DSP: variants seen among roughly 807,000 people sequenced by gnomAD.
The protein encoded by DSP is desmoplakin, also known as 250/210 kDa paraneoplastic pemphigus antigen.
In DSP, 114 loss-of-function variants were observed where a neutral mutation model predicts 290.6. The observed-to-expected ratio is 0.39, with a 90% CI of 0.34 to 0.46. DSP has a LOEUF of 0.46. Ranked by LOEUF, DSP falls within the 20% of genes least tolerant of loss-of-function variation. DSP has a pLI of 0.99. For missense variants in DSP, 3,230 were observed against 3,495.8 expected (o/e 0.92, Z 1.92); for synonymous variants, 1,311 against 1,316.4 (o/e 1.00, Z 0.09).
intron 8 of DSP, 31 bp downstream of exon 8, chr6:7,566,512 G>C: frequency 7.6e-7 from 1 of 1,315,618 alleles, no homozygotes; most frequent in Non-Finnish European, 1.0e-6. Flanking sequence ...ATTTTTGTTA[G>C]AAAAAAAAAA....
chr6:7,580,910 G>A lies in DSP; in HGVS notation c.4720G>A (p.Glu1574Lys). 1 of 1,614,196 alleles carries A rather than the reference G, an allele frequency of 6.2e-7. No individual in the cohort carries two copies. The highest frequency in any genetic ancestry group is 1.1e-5 in the South Asian group (1 of 91,086). The change falls in exon 23 of 24, where the codon GAA (glutamate) becomes AAA (lysine). Residue 1574 changes from glutamate to lysine, a missense_variant. By Grantham distance (56) the Glu-to-Lys change is moderately conservative. Coordinates refer to ENST00000379802, the MANE Select transcript of DSP (RefSeq NM_004415.4). The surrounding 1 kb of genome is among the most constrained non-coding windows in gnomAD (Gnocchi z 4.2). ...KELQLQKQKV[E>K]EELNRLKRTA... ...GCTGCAGCTGCAGAAGCAGAAGGTG[G>A]AAGAGGAGCTGAATCGGCTGAAGAG...
chr6:7,558,317 T>C, intron 3 of DSP, 53 bp downstream of exon 3: 1 of 1,583,468 alleles, frequency 6.3e-7, no homozygotes, highest in Non-Finnish European at 8.6e-7. Context: ...GAACACCACA[T>C]AACCAGTTAC....
At chr6:7,562,293 T>C (rs1758716625) in intron 4 of DSP, among the ~76,000 whole-genome samples, 1 of 152,146 alleles carries the variant, frequency 6.6e-6, no homozygotes, top group South Asian at 2.1e-4. Flanking sequence ...ATTAAATGAG[T>C]ATTTTATAAC....
intron 5 of DSP, among the ~76,000 whole-genome samples, chr6:7,563,314 T>A (rs980497695): frequency 2.7e-5 from 1 of 37,278 alleles, no homozygotes; most frequent in African/African-American, 2.0e-4. Context: ...ATCACTAAAC[T>A]TTTTTTTTTT....
rs781034092 is a variant in DSP at position 7,565,536 on chromosome 6, G to A, written c.939+16G>A. 19 of 1,613,632 alleles carry A rather than the reference G, an allele frequency of 1.2e-5. No individual in the cohort carries two copies. Among genetic ancestry groups the A allele is most frequent in the Admixed American group, 8.3e-5 (5 of 59,976 alleles). On this transcript the variant is annotated intron_variant, in intron 7 of 23. Transcript: ENST00000379802. This position sits in a 1 kb window ranked among gnomAD's most constrained non-coding sequence, Gnocchi z 4.2. Reference sequence around the variant, plus strand: ...GGCCTTCTCCGTAAGTTCACCCCACGCGGCTGTAGATGCTTGTCTTGAGCC... The same window carrying A: ...GGCCTTCTCCGTAAGTTCACCCCACACGGCTGTAGATGCTTGTCTTGAGCC...
intron 16 of DSP, 25 bp from the exon 17 acceptor site, chr6:7,574,632 T>TA: frequency 6.2e-7 from 1 of 1,613,948 alleles, no homozygotes; most frequent in Non-Finnish European, 8.5e-7. Context: ...CTGGCAATTT[T>TA]ATGTGCTTCT....
At chr6:7,543,235 A>G (rs3823183) in intron 1 of DSP, among the ~76,000 whole-genome samples, 40,778 of 151,198 alleles carry the variant, frequency 0.27, 5,552 homozygotes, top group East Asian at 0.38. Flanking sequence ...GTTATTTACC[A>G]GGCGTTGTGG....
In DSP at chr6:7,565,031, C is replaced by A. The variant is rs887503411; in HGVS notation, c.778-328C>A. On this transcript the variant is annotated intron_variant, in intron 6 of 23. Transcript: ENST00000379802. This position sits in a 1 kb window ranked among gnomAD's most constrained non-coding sequence, Gnocchi z 4.2. Reference sequence around the variant, plus strand: ...TGGTGGTGCATGTCTGTAATCCCACCTACTCGGGAAGCTGAGGCAGGAGAA... The same window carrying A: ...TGGTGGTGCATGTCTGTAATCCCACATACTCGGGAAGCTGAGGCAGGAGAA... 1.3e-5 allele frequency among the ~76,000 whole-genome samples: 2 copies of A among 152,102 alleles called. No homozygotes were observed. Among genetic ancestry groups the A allele is most frequent in the African/African-American group, 2.4e-5 (1 of 41,402 alleles).
At chr6:7,574,507 T>C in intron 16 of DSP, 150 bp from the exon 17 acceptor site, 1 of 1,121,442 alleles carries the variant, frequency 8.9e-7, no homozygotes, top group Admixed American at 2.0e-5. Flanking sequence ...ATACAAAATG[T>C]TGGTCTGAAT....
Position 7,574,813 on chromosome 6 carries a change from A to C in DSP, c.2436+18A>C. ...GACTGAAGGTAACTTGAAAGCTTAT[A>C]ACAGTGGCCCAACTTACAGGAACTA... On this transcript the variant is annotated intron_variant, in intron 17 of 23. Coordinates refer to ENST00000379802, the MANE Select transcript of DSP (RefSeq NM_004415.4). 1 of 1,614,142 alleles carries C rather than the reference A, an allele frequency of 6.2e-7. No homozygotes were observed. Among genetic ancestry groups the C allele is most frequent in the South Asian group, 1.1e-5 (1 of 91,086 alleles).
At chr6:7,577,115 G>C (rs1436750295) in intron 20 of DSP, 73 bp downstream of exon 20, 18 of 1,256,756 alleles carry the variant, frequency 1.4e-5, no homozygotes, top group Non-Finnish European at 3.4e-6. Flanking sequence ...CTGATTTGTT[G>C]TAAAGCGTAT....
At chr6:7,553,159 G>T (rs1230450287) in intron 1 of DSP, among the ~76,000 whole-genome samples, 1 of 151,972 alleles carries the variant, frequency 6.6e-6, no homozygotes, top group African/African-American at 2.4e-5. Context: ...TTAACAGCGG[G>T]GTTTTATGCT....
rs776258308 is a variant in DSP at position 7,584,852 on chromosome 6, T to C, written c.7590T>C (p.Ile2530=). The C allele has an allele frequency of 6.2e-7, 1 of 1,614,152 alleles. No individual in the cohort carries two copies. Among genetic ancestry groups the C allele is most frequent in the African/African-American group, 1.3e-5 (1 of 75,020 alleles). ...VDRKTGSQYD[I]QDAIDKGLVD... is the part of the protein sequence containing the mutation. ...GAAAGACAGGCAGTCAGTATGATAT[T>C]CAAGATGCTATTGACAAGGGCCTTG... The change falls in exon 24 of 24, where the codon ATT becomes ATC. Residue 2530 remains isoleucine, a synonymous_variant. Transcript: ENST00000379802. The surrounding 1 kb of genome is among the most constrained non-coding windows in gnomAD (Gnocchi z 6.4).
rs145796901 is a variant in DSP, at chr6:7,580,763, A to G, written c.4573A>G (p.Ile1525Val). 12 of 1,614,006 alleles carry G rather than the reference A, an allele frequency of 7.4e-6. No individual in the cohort carries two copies. The highest frequency in any genetic ancestry group is 2.7e-5 in the African/African-American group (2 of 74,922). ...AGCAAACAGTAGTGCGACGGAGACA[A>G]TAAACAAACTGAAGGTTCAGGAGCA... ...QKANSSATET[I>V]NKLKVQEQEL... Residue 1525 changes from isoleucine (I) to valine (V), a missense_variant, in exon 23 of 24, where the codon ATA becomes GTA. Physicochemically the swap from Ile to Val is conservative, Grantham distance 29. Transcript: ENST00000379802. This position sits in a 1 kb window ranked among gnomAD's most constrained non-coding sequence, Gnocchi z 4.2.
rs757344941 is a variant in DSP at position 7,585,721 on chromosome 6, C to T, written c.8459C>T (p.Ser2820Phe). Residue 2820 changes from serine (S) to phenylalanine (F), a missense_variant, in exon 24 of 24, where the codon TCT becomes TTT. This residue lies in a region of DSP where 582 missense variants were observed against 555.4 expected (regional missense o/e 1.05). Coordinates refer to ENST00000379802, the MANE Select transcript of DSP (RefSeq NM_004415.4). ...GGCTTACCCAGCCCTTACAACATGT[C>T]TTCGGCTCCGGGGTCCCGCTCCGGC... ...SKGLPSPYNMSSAPGSRSGSR... is the reference protein window; with the variant it reads ...SKGLPSPYNMFSAPGSRSGSR... 1 of 1,612,878 alleles carries T rather than the reference C, an allele frequency of 6.2e-7. No homozygotes were observed. The highest frequency in any genetic ancestry group is 8.5e-7 in the Non-Finnish European group (1 of 1,179,372).
Position 7,577,897 on chromosome 6 carries a change from C to T in DSP, c.2985+11C>T, listed in dbSNP as rs2113689134. 1.3e-6 allele frequency: 2 copies of T among 1,591,736 alleles called. No individual in the cohort carries two copies. Among genetic ancestry groups the T allele is most frequent in the African/African-American group, 1.3e-5 (1 of 74,590 alleles). ...GTGATTCTGCAAGAGGTATATATGT[C>T]ATCACATATCTCTTAAAACCTGCCC... is the stretch of plus-strand genomic sequence containing the variant. On this transcript the variant is annotated intron_variant, in intron 21 of 23. Coordinates refer to ENST00000379802, the MANE Select transcript of DSP (RefSeq NM_004415.4).
Position 7,569,093 on chromosome 6 carries a change from C to T in DSP, c.1420-93C>T, listed in dbSNP as rs11755954. The T allele has an allele frequency of 0.13, 205,975 of 1,537,264 alleles. 15,595 individuals are homozygous for T. The highest frequency in any genetic ancestry group is 0.15 in the Non-Finnish European group (173,044 of 1,118,502). On this transcript the variant is annotated intron_variant, in intron 11 of 23. Coordinates refer to ENST00000379802, the MANE Select transcript of DSP (RefSeq NM_004415.4). ...GAAAAACGTAAAAGCTTTAATAATT[C>T]GCATGTGTTCATCTCTGTTTCCATC... is the stretch of plus-strand genomic sequence containing the variant.
intron 1 of DSP, 30 bp from the exon 2 acceptor site, chr6:7,555,688 T>G: frequency 6.3e-7 from 1 of 1,597,348 alleles, no homozygotes; most frequent in Non-Finnish European, 8.6e-7. Context: ...GGTTATTTGA[T>G]GTCTGGTTTC....
At chr6:7,561,311 G>A (rs569569634) in intron 4 of DSP, among the ~76,000 whole-genome samples, 6 of 152,278 alleles carry the variant, frequency 3.9e-5, no homozygotes, top group Admixed American at 6.5e-5. Context: ...GGTTAGGCAC[G>A]CAGCCCTCAT....
Sources: allele counts gnomAD v4.1 joint callset (sites outside exome capture counted in the v4.1 genomes callset), GRCh38; gene constraint gnomAD v4.1.1; regional missense constraint gnomAD v4.1.1; non-coding constraint Gnocchi (gnomAD v3.1); transcripts MANE v1.5; gene names NCBI Gene and HGNC (gene_info 2026-07-23, HGNC 2026-07-21).